Variants in TMPRSS3 observed in about 807,000 individuals in gnomAD.
TMPRSS3 encodes transmembrane serine protease 3.
A neutral mutation model predicts 59.6 loss-of-function variants in TMPRSS3; 55 were observed. The ratio of observed to expected loss-of-function variants is 0.92; its 90% CI spans 0.74 to 1.16. The LOEUF is 1.16. Among genes scored for constraint, TMPRSS3 ranks in the 50% most tolerant of loss-of-function variants. The pLI is 0.00. For missense variants in TMPRSS3, 596 were observed against 579.4 expected (o/e 1.03, Z -0.29); for synonymous variants, 257 against 237.7 (o/e 1.08, Z -0.75).
chr21:42,381,673 C>A (rs1018052355), intron 9 of TMPRSS3, among the ~76,000 whole-genome samples: 3 of 152,198 alleles, frequency 2.0e-5, no homozygotes, highest in African/African-American at 7.2e-5. Context: ...AGCACACAGC[C>A]CACGAAGGCT....
At chr21:42,373,038 GTC>G (rs1330494752) in intron 12 of TMPRSS3, among the ~76,000 whole-genome samples, 2 of 152,160 alleles carry the variant, frequency 1.3e-5, no homozygotes, top group African/African-American at 4.8e-5. Context: ...AAACTTCCAG[GTC>G]TCGGCACTAT....
intron 2 of TMPRSS3, among the ~76,000 whole-genome samples, chr21:42,390,589 A>G (rs2052719590): frequency 6.6e-6 from 1 of 152,178 alleles, no homozygotes; most frequent in Non-Finnish European, 1.5e-5. Flanking sequence ...TTAGCTGGGC[A>G]TGATGGCAGG....
At chr21:42,378,908 G>T (rs529098342) in intron 10 of TMPRSS3, among the ~76,000 whole-genome samples, 1 of 147,930 alleles carries the variant, frequency 6.8e-6, no homozygotes, top group Admixed American at 6.9e-5. Flanking sequence ...GTTTTGAGAT[G>T]GAGCCTTGCT....
rs2052503251 is a variant in TMPRSS3 at position 42,380,210 on chromosome 21, T to C, written c.955A>G (p.Met319Val). Residue 319 changes from methionine to valine, a missense_variant and splice_region_variant, in exon 10 of 13, where the codon ATG (methionine) becomes GTG (valine). Transcript: ENST00000644384. ...TTGGGCAGGCACACAGGCTGGATCA[T>C]TTCTGCTTGAAGGGAAACAATAGTT... ...KLAGPLTFNE[M>V]IQPVCLPNSE... The C allele has an allele frequency of 3.1e-6, 5 of 1,613,474 alleles. No homozygotes were observed. Among genetic ancestry groups the C allele is most frequent in the South Asian group, 1.1e-5 (1 of 91,018 alleles).
chr21:42,372,725 C>T lies in TMPRSS3; in HGVS notation c.*37G>A. 6.2e-7 allele frequency: 1 copy of T among 1,613,408 alleles called. No individual in the cohort carries two copies. The highest frequency in any genetic ancestry group is 8.5e-7 in the Non-Finnish European group (1 of 1,179,362). On this transcript the variant is annotated 3_prime_UTR_variant, in exon 13 of 13. Transcript: ENST00000644384. ...GGGGAGGATCGGGCTGTCTTCATCA[C>T]CTCAGGAACTCAGGTGGCTACTTGT... is the stretch of plus-strand genomic sequence containing the variant.
At position 42,375,704 on chromosome 21, in the gene TMPRSS3, C is replaced by T. The variant is rs764501994; in HGVS notation, c.1344+12G>A. On this transcript the variant is annotated intron_variant, in intron 12 of 12. Transcript: ENST00000644384. ...CAGGGACAACGTGAGCTGGGGAGGG[C>T]GCCGCACCCACCTCCATCTGCTCGT... 9.3e-6 allele frequency: 15 copies of T among 1,613,596 alleles called. No individual in the cohort carries two copies. Among genetic ancestry groups the T allele is most frequent in the East Asian group, 4.5e-5 (2 of 44,870 alleles).
intron 10 of TMPRSS3, 121 bp downstream of exon 10, chr21:42,379,996 C>G: frequency 1.2e-6 from 1 of 814,840 alleles, no homozygotes; most frequent in East Asian, 2.6e-5. Context: ...GACATGCACT[C>G]CCTGGCCGGG....
At chr21:42,395,230 G>T in intron 2 of TMPRSS3, 94 bp downstream of exon 2, 1 of 1,061,568 alleles carries the variant, frequency 9.4e-7, no homozygotes, top group Non-Finnish European at 1.4e-6. Flanking sequence ...GAATGGCTGG[G>T]GAGATATTTC....
At chr21:42,393,207 T>C (rs2052756471) in intron 2 of TMPRSS3, among the ~76,000 whole-genome samples, 1 of 151,836 alleles carries the variant, frequency 6.6e-6, no homozygotes, top group Non-Finnish European at 1.5e-5. Context: ...ATCACGCCAT[T>C]GCACTCCAGC....
intron 6 of TMPRSS3, among the ~76,000 whole-genome samples, chr21:42,384,586 C>A (rs933757383): frequency 9.2e-5 from 14 of 152,216 alleles, no homozygotes; most frequent in Non-Finnish European, 2.1e-4. Context: ...GTAATGTTTT[C>A]TGCCTTTTGA....
Position 42,379,774 on chromosome 21 carries a change from T to C in TMPRSS3, c.1048+343A>G, listed in dbSNP as rs114070843. ...GTCTTCACAAATACGAATCTTTGAG[T>C]TCTGAATGAAGCCTGGGAGGGTTGT... On this transcript the variant is annotated intron_variant, in intron 10 of 12. Coordinates refer to ENST00000644384, the MANE Select transcript of TMPRSS3 (RefSeq NM_001256317.3). 6.3e-3 allele frequency among the ~76,000 whole-genome samples: 955 copies of C among 152,088 alleles called. 10 individuals carry two copies. The highest frequency in any genetic ancestry group is 0.02 in the African/African-American group (824 of 41,480).
intron 10 of TMPRSS3, among the ~76,000 whole-genome samples, chr21:42,379,901 G>A (rs1330397708): frequency 6.6e-6 from 1 of 152,134 alleles, no homozygotes; most frequent in Non-Finnish European, 1.5e-5. Context: ...CTCCTGAGAA[G>A]GTCTGCAGGG....
At chr21:42,374,297 A>C (rs925795190) in intron 12 of TMPRSS3, among the ~76,000 whole-genome samples, 15 of 152,124 alleles carry the variant, frequency 9.9e-5, no homozygotes, top group African/African-American at 3.1e-4. Context: ...CACAGCCCTC[A>C]CCACGCCCCG....
At chr21:42,376,726 C>G (rs375580956) in intron 10 of TMPRSS3, 43 bp from the exon 11 acceptor site, 2 of 1,613,110 alleles carry the variant, frequency 1.2e-6, no homozygotes, top group East Asian at 2.2e-5. Flanking sequence ...GAAGGAAGCC[C>G]GGCCCAAAAC....
At chr21:42,383,711 G>T in intron 7 of TMPRSS3, 1 of 684,592 alleles carries the variant, frequency 1.5e-6, no homozygotes. Context: ...GCTCTTCAGA[G>T]TGATGGGACA....
At position 42,383,409 on chromosome 21, in the gene TMPRSS3, G is replaced by A. The variant is rs1601523943; in HGVS notation, c.617-211C>T. On this transcript the variant is annotated intron_variant, in intron 7 of 12. Coordinates refer to ENST00000644384, the MANE Select transcript of TMPRSS3 (RefSeq NM_001256317.3). ...ACCTGAGGATGGTGGGTGCTGTGGA[G>A]GATGCGGTGGGAAAAGCACCTGCCC... The A allele has an allele frequency of 1.1e-5, 7 of 613,422 alleles. No individual in the cohort carries two copies. The East Asian group carries it at 1.9e-4, about 17-fold the overall frequency. The allele number at this position is 613,422 out of a possible 1,614,324, so 38.0% of individuals were successfully genotyped here. A position where few individuals can be genotyped will look rare whatever the true frequency, so the allele number is the denominator to read the frequency against.
At chr21:42,375,912 C>G in intron 11 of TMPRSS3, 44 bp from the exon 12 acceptor site, 2 of 1,610,394 alleles carry the variant, frequency 1.2e-6, no homozygotes. Flanking sequence ...CAGTCACCGC[C>G]ATGCGAGATT....
At chr21:42,375,394 CG>C (rs745889868) in intron 12 of TMPRSS3, among the ~76,000 whole-genome samples, 92 of 151,462 alleles carry the variant, frequency 6.1e-4, no homozygotes, top group Non-Finnish European at 1.0e-3. Context: ...TCCTGGCACA[CG>C]GGGCACGCCC....
In TMPRSS3 at chr21:42,379,053, T is replaced by G. The variant is rs547736299; in HGVS notation, c.1048+1064A>C. ...GTGTGCGCCACCATGCCTGGCTAAT[T>G]TTTGTATTTTTAGTAGAGACAGGGT... On this transcript the variant is annotated intron_variant, in intron 10 of 12. Coordinates refer to ENST00000644384, the MANE Select transcript of TMPRSS3 (RefSeq NM_001256317.3). Among the ~76,000 whole-genome samples, 26 of 152,152 alleles carry G rather than the reference T, an allele frequency of 1.7e-4. No individual in the cohort carries two copies. The South Asian group carries it at 4.6e-3, about 27-fold the overall frequency.
Sources: allele counts gnomAD v4.1 joint callset (sites outside exome capture counted in the v4.1 genomes callset), GRCh38; gene constraint gnomAD v4.1.1; transcripts MANE v1.5; gene names NCBI Gene and HGNC (gene_info 2026-07-23, HGNC 2026-07-21).